The following CYRIA variants were observed in gnomAD, a reference collection of about 807,000 sequenced individuals.
CYRIA encodes the protein CYFIP-related Rac1 interactor A.
CYRIA carries 15 observed loss-of-function variants against 43.9 expected under a neutral mutation model. The observed-to-expected ratio is 0.34, with a 90% CI of 0.23 to 0.53. CYRIA has a LOEUF of 0.53. CYRIA is among the 20% of genes least tolerant of loss of function. CYRIA has a pLI of 0.94. For synonymous variants in CYRIA, 117 were observed against 136.0 expected, an observed-to-expected ratio of 0.86 and a Z score of 0.97; for missense variants, 236 against 394.2, an observed-to-expected ratio of 0.60 and a Z score of 3.40.
intron 1 of CYRIA, among the ~76,000 whole-genome samples, chr2:16,645,741 A>G (rs948496272): frequency 6.6e-6 from 1 of 152,234 alleles, no homozygotes; most frequent in Non-Finnish European, 1.5e-5. Flanking sequence ...GGAAGAAAAG[A>G]CATTTGAAGT....
rs1233207172 is a variant in CYRIA, at chr2:16,565,883, A to G, written c.71-116T>C. ...CCTATCATATTCCTGCTGCTCTGGT[A>G]TTTACTCTTTAACCTAATAAGCTGC... On this transcript the variant is annotated intron_variant, in intron 3 of 11. Transcript: ENST00000381323. 4.8e-6 allele frequency: 5 copies of G among 1,032,030 alleles called. No homozygotes were observed. The African/African-American group carries it at 6.4e-5, about 13-fold the overall frequency. 63.9% of individuals were successfully genotyped at this position (1,032,030 alleles called of 1,614,324 possible).
At chr2:16,644,867 C>T (rs527428680) in intron 1 of CYRIA, among the ~76,000 whole-genome samples, 1 of 152,252 alleles carries the variant, frequency 6.6e-6, no homozygotes, top group Non-Finnish European at 1.5e-5. Flanking sequence ...CACCAACCCC[C>T]CACACACGGA....
chr2:16,562,100 G>GT lies in CYRIA; in HGVS notation c.339dup (p.Pro114ThrfsTer30), dbSNP rs1558402456. 1 of 1,613,202 alleles carries GT rather than the reference G, an allele frequency of 6.2e-7. No individual in the cohort carries two copies. On this transcript the variant is annotated frameshift_variant, in exon 6 of 12. Coordinates refer to ENST00000381323, the MANE Select transcript of CYRIA (RefSeq NM_030797.4). LOFTEE classifies it high-confidence loss of function. Reference sequence around the variant, plus strand: ...TCCAGGTGTTGGGTTGGTGTGTAGGGTGGACAAGTCAGAGATTCCAATAAA... The same window carrying GT: ...TCCAGGTGTTGGGTTGGTGTGTAGGGTTGGACAAGTCAGAGATTCCAATAAA...
intron 1 of CYRIA, among the ~76,000 whole-genome samples, chr2:16,638,024 G>A (rs1034831655): frequency 1.3e-5 from 2 of 152,134 alleles, no homozygotes; most frequent in Admixed American, 1.3e-4. Context: ...CCTGGGTAAC[G>A]GGGGGTGATG....
At chr2:16,562,266 G>T in intron 5 of CYRIA, 125 bp from the exon 6 acceptor site, 1 of 1,051,832 alleles carries the variant, frequency 9.5e-7, no homozygotes, top group Non-Finnish European at 1.3e-6. Context: ...CGATAACTAC[G>T]TGAGGTGTGC....
chr2:16,576,338 T>C (rs929770766), intron 3 of CYRIA, among the ~76,000 whole-genome samples: 5 of 152,166 alleles, frequency 3.3e-5, no homozygotes, highest in African/African-American at 1.2e-4. Flanking sequence ...TCAGTAACAA[T>C]TTAGTAAAAC....
intron 3 of CYRIA, among the ~76,000 whole-genome samples, chr2:16,576,023 A>T (rs1464365169): frequency 1.3e-5 from 2 of 152,126 alleles, no homozygotes; most frequent in Non-Finnish European, 2.9e-5. Context: ...AGCCAAATGG[A>T]ACTGTAAGTC....
At chr2:16,634,307 C>A (rs1009807935) in intron 1 of CYRIA, among the ~76,000 whole-genome samples, 2 of 152,076 alleles carry the variant, frequency 1.3e-5, no homozygotes, top group African/African-American at 2.4e-5. Flanking sequence ...ACCAGCCACA[C>A]CCCTTCTCTT....
In CYRIA at chr2:16,650,703, A is replaced by T. The variant is rs1403500571; in HGVS notation, c.-167+15077T>A. On this transcript the variant is annotated intron_variant, in intron 1 of 11. Transcript: ENST00000381323. This position sits in a 1 kb window ranked among gnomAD's most constrained non-coding sequence, Gnocchi z 4.1. ...GTGGCTCTGTGACAAGTATCTCAGAATGCCCATTACATGCCTGCAACCGGC... is the reference window on the plus strand; with the variant it reads ...GTGGCTCTGTGACAAGTATCTCAGATTGCCCATTACATGCCTGCAACCGGC... Among the ~76,000 whole-genome samples the T allele has an allele frequency of 6.6e-6, 1 of 152,214 alleles. No homozygotes were observed. Among genetic ancestry groups the T allele is most frequent in the Non-Finnish European group, 1.5e-5 (1 of 68,040 alleles).
intron 4 of CYRIA, 36 bp from the exon 5 acceptor site, chr2:16,564,130 A>G: frequency 6.5e-7 from 1 of 1,528,248 alleles, no homozygotes; most frequent in Non-Finnish European, 9.0e-7. Context: ...GTTTAAAAAG[A>G]AGTGGTAAGC....
chr2:16,588,769 C>T (rs529884988), intron 2 of CYRIA, among the ~76,000 whole-genome samples: 12 of 152,186 alleles, frequency 7.9e-5, no homozygotes, highest in Non-Finnish European at 1.6e-4. Context: ...GGAGTGGCTC[C>T]CAGGCAAGTT....
At chr2:16,656,570 G>A (rs1042926396) in intron 1 of CYRIA, among the ~76,000 whole-genome samples, 2 of 152,214 alleles carry the variant, frequency 1.3e-5, no homozygotes, top group African/African-American at 4.8e-5. Flanking sequence ...CACTGGTTGT[G>A]AGTGGGTGAG....
At chr2:16,632,949 G>C (rs1669371541) in intron 1 of CYRIA, among the ~76,000 whole-genome samples, 1 of 152,152 alleles carries the variant, frequency 6.6e-6, no homozygotes, top group Non-Finnish European at 1.5e-5. Context: ...AGGGCTGCAG[G>C]AGGGGGGTGC....
chr2:16,580,043 C>A (rs954757467), intron 3 of CYRIA, among the ~76,000 whole-genome samples: 2 of 151,886 alleles, frequency 1.3e-5, no homozygotes, highest in Non-Finnish European at 2.9e-5. Context: ...CACCTCCTGG[C>A]CTCGAGCAAT....
rs1666314982 is a variant in CYRIA, at chr2:16,551,628, G to T, written c.*1308C>A. The T allele has an allele frequency of 6.6e-6, 1 of 152,238 alleles. No individual in the cohort carries two copies. Among genetic ancestry groups the T allele is most frequent in the African/African-American group, 2.4e-5 (1 of 41,556 alleles). The allele number at this position is 152,238 out of a possible 1,614,324, so 9.4% of individuals were successfully genotyped here. A position where few individuals can be genotyped will look rare whatever the true frequency, so the allele number is the denominator to read the frequency against. On this transcript the variant is annotated 3_prime_UTR_variant, in exon 12 of 12. Coordinates refer to ENST00000381323, the MANE Select transcript of CYRIA (RefSeq NM_030797.4). ...CTAAGCTCTGATGTACAGAGAGAAT[G>T]ACTGCAGGCTTCATAATATTGTTCA...
In CYRIA at chr2:16,561,717, G is replaced by T. The variant is rs535629783; in HGVS notation, c.436-184C>A. Among the ~76,000 whole-genome samples the T allele has an allele frequency of 1.7e-3, 260 of 152,258 alleles. 1 individual carries two copies. The highest frequency in any genetic ancestry group is 5.3e-3 in the Admixed American group (81 of 15,288). ...TTCATTATTTTAAAATATGCCCTGTGGGCTAGATTTCAGGGAAAGTATATT... is the reference window on the plus strand; with the variant it reads ...TTCATTATTTTAAAATATGCCCTGTTGGCTAGATTTCAGGGAAAGTATATT... On this transcript the variant is annotated intron_variant, in intron 6 of 11. Transcript: ENST00000381323.
chr2:16,584,864 T>C (rs1667670806), intron 3 of CYRIA, among the ~76,000 whole-genome samples: 1 of 152,184 alleles, frequency 6.6e-6, no homozygotes, highest in African/African-American at 2.4e-5. Flanking sequence ...AGAAGACTTC[T>C]CCAATTCCTT....
intron 2 of CYRIA, among the ~76,000 whole-genome samples, chr2:16,602,658 C>A (rs755946764): frequency 3.3e-5 from 5 of 152,040 alleles, no homozygotes; most frequent in Non-Finnish European, 7.4e-5. Context: ...CATATTAGAA[C>A]TGGGGTCATC....
At chr2:16,560,491 T>C (rs1177563013) in intron 9 of CYRIA, among the ~76,000 whole-genome samples, 1 of 152,138 alleles carries the variant, frequency 6.6e-6, no homozygotes, top group Non-Finnish European at 1.5e-5. Context: ...GAGCACAGAT[T>C]ACCATGCTGC....
Sources: gnomAD v4.1 joint callset for allele counts (sites outside exome capture counted in the v4.1 genomes callset) on GRCh38, gnomAD v4.1.1 for gene constraint, Gnocchi (gnomAD v3.1) non-coding constraint, MANE v1.5 for transcripts, NCBI Gene and HGNC (gene_info 2026-07-23, HGNC 2026-07-21) for gene names.